The following CPNE4 variants were observed in gnomAD, a reference collection of about 807,000 sequenced individuals.
CPNE4 encodes the protein copine 4.
In CPNE4, 25 loss-of-function variants were observed where a neutral mutation model predicts 67.9. The observed-to-expected ratio is 0.37, with a 90% CI of 0.27 to 0.51. CPNE4 has a LOEUF of 0.51. CPNE4 is among the 20% of genes least tolerant of loss of function. The pLI is 0.93. For synonymous variants in CPNE4, 242 were observed against 244.9 expected, an observed-to-expected ratio of 0.99 and a Z score of 0.11; for missense variants, 464 against 690.8, an observed-to-expected ratio of 0.67 and a Z score of 3.68.
At chr3:131,863,688 G>A (rs1304362027) in intron 2 of CPNE4, among the ~76,000 whole-genome samples, 4 of 152,082 alleles carry the variant, frequency 2.6e-5, no homozygotes, top group African/African-American at 4.8e-5. Flanking sequence ...TTCTTTTGCT[G>A]TGCAGAAGCT....
rs531453413 is a variant in CPNE4 at position 131,862,459 on chromosome 3, G to C, written c.180+42805C>G. On this transcript the variant is annotated intron_variant, in intron 2 of 15. Coordinates refer to ENST00000429747, the MANE Select transcript of CPNE4 (RefSeq NM_130808.3). The stretch of plus-strand genomic sequence containing the variant: ...AAATATCCTACCAGGTTCTTCAGTG[G>C]TTTCCTTACCTCTGGTTTCTCCCCC... Among the ~76,000 whole-genome samples, 68 of 152,140 alleles carry C rather than the reference G, an allele frequency of 4.5e-4. 1 individual carries two copies. The highest frequency in any genetic ancestry group is 1.6e-3 in the African/African-American group (68 of 41,508).
At chr3:131,915,395 T>C (rs1337807622) in intron 1 of CPNE4, among the ~76,000 whole-genome samples, 1 of 152,204 alleles carries the variant, frequency 6.6e-6, no homozygotes, top group Non-Finnish European at 1.5e-5. Flanking sequence ...TCACTCTATA[T>C]GTAATGGTAG....
chr3:131,696,769 A>C (rs894673080), intron 4 of CPNE4, among the ~76,000 whole-genome samples, 153 bp from the exon 5 acceptor site: 3 of 152,202 alleles, frequency 2.0e-5, no homozygotes, highest in African/African-American at 7.2e-5. Context: ...ACAGCACAGC[A>C]ATTCTAGGTA....
intron 1 of CPNE4, among the ~76,000 whole-genome samples, chr3:132,011,910 C>T (rs1021574741): frequency 2.0e-5 from 3 of 152,262 alleles, no homozygotes; most frequent in African/African-American, 7.2e-5. Flanking sequence ...TCTGTAGAAC[C>T]TTGGTGATTT....
chr3:131,774,743 C>T (rs1414521211), intron 2 of CPNE4, among the ~76,000 whole-genome samples: 1 of 152,114 alleles, frequency 6.6e-6, no homozygotes, highest in Non-Finnish European at 1.5e-5. Context: ...CTTTCACTTC[C>T]CTGCCTCTCG....
chr3:131,664,581 G>T (rs952010641), intron 7 of CPNE4, among the ~76,000 whole-genome samples: 1 of 152,092 alleles, frequency 6.6e-6, no homozygotes, highest in Non-Finnish European at 1.5e-5. Context: ...GGTTGAAAAG[G>T]TCAAGAAATA....
chr3:131,547,846 T>TTTC (rs1393027245), intron 14 of CPNE4, among the ~76,000 whole-genome samples: 2 of 152,152 alleles, frequency 1.3e-5, no homozygotes, highest in Admixed American at 6.6e-5. Context: ...GACCCATTTG[T>TTTC]TTCTTATGGA....
At chr3:131,596,405 G>A (rs1028444114) in intron 7 of CPNE4, among the ~76,000 whole-genome samples, 4 of 145,348 alleles carry the variant, frequency 2.8e-5, no homozygotes, top group African/African-American at 1.1e-4. Context: ...GGCGGATCAC[G>A]AGGTCAGGAG....
intron 2 of CPNE4, among the ~76,000 whole-genome samples, chr3:131,876,268 AAAT>A (rs1465732772): frequency 9.7e-5 from 14 of 144,246 alleles, no homozygotes; most frequent in African/African-American, 4.0e-4. Flanking sequence ...ATAAATAAAT[AAAT>A]AAATAAATAA....
intron 2 of CPNE4, among the ~76,000 whole-genome samples, chr3:131,740,404 A>C (rs1224096947): frequency 6.6e-6 from 1 of 152,178 alleles, no homozygotes; most frequent in Non-Finnish European, 1.5e-5. Flanking sequence ...CTCAAACTTT[A>C]CATGCCTATA....
intron 2 of CPNE4, among the ~76,000 whole-genome samples, chr3:131,860,072 A>AACCCC (rs1189057906): frequency 1.2e-4 from 18 of 152,220 alleles, no homozygotes; most frequent in Admixed American, 1.2e-3. Context: ...TACATATGAC[A>AACCCC]ACCCCAAAGT....
intron 2 of CPNE4, among the ~76,000 whole-genome samples, chr3:131,818,253 A>G (rs1436452503): frequency 7.2e-5 from 11 of 152,222 alleles, no homozygotes; most frequent in Non-Finnish European, 1.5e-4. Context: ...AACTCCCATT[A>G]GGAGCAGCAG....
intron 2 of CPNE4, among the ~76,000 whole-genome samples, chr3:131,725,396 T>C (rs1328999259): frequency 1.3e-5 from 2 of 152,194 alleles, no homozygotes; most frequent in African/African-American, 4.8e-5. Flanking sequence ...CCCCATCCAA[T>C]AAATAGGCAT....
intron 7 of CPNE4, among the ~76,000 whole-genome samples, chr3:131,632,907 C>T (rs559373582): frequency 4.8e-4 from 73 of 152,292 alleles, no homozygotes; most frequent in African/African-American, 1.8e-3. Flanking sequence ...GCACTTGCCC[C>T]AAGCACCCCA....
chr3:131,741,661 A>G (rs146157947), intron 2 of CPNE4, among the ~76,000 whole-genome samples: 13 of 152,294 alleles, frequency 8.5e-5, no homozygotes, highest in African/African-American at 2.9e-4. Flanking sequence ...AATTATAATT[A>G]TAATACTAGA....
At chr3:131,648,339 C>G (rs1188280086) in intron 7 of CPNE4, among the ~76,000 whole-genome samples, 3 of 152,178 alleles carry the variant, frequency 2.0e-5, no homozygotes, top group Non-Finnish European at 4.4e-5. Context: ...TGCCACAGCA[C>G]TTCAGCCTGG....
At chr3:131,743,833 G>A (rs926886464) in intron 2 of CPNE4, among the ~76,000 whole-genome samples, 3 of 151,026 alleles carry the variant, frequency 2.0e-5, no homozygotes, top group Non-Finnish European at 4.4e-5. Context: ...CGTGGTAGCG[G>A]GCGCCTGTAG....
At chr3:131,877,819 CATTT>C (rs1208195957) in intron 2 of CPNE4, among the ~76,000 whole-genome samples, 4 of 152,136 alleles carry the variant, frequency 2.6e-5, no homozygotes, top group Admixed American at 6.5e-5. Context: ...TTAAATGAAA[CATTT>C]ATTACACAGA....
chr3:131,756,713 T>C (rs2082758792), intron 2 of CPNE4, among the ~76,000 whole-genome samples: 1 of 152,142 alleles, frequency 6.6e-6, no homozygotes, highest in Admixed American at 6.6e-5. Context: ...AAGGCTTGAG[T>C]TGGAGGCCCG....
Sources: allele counts gnomAD v4.1 joint callset (sites outside exome capture counted in the v4.1 genomes callset), GRCh38; gene constraint gnomAD v4.1.1; transcripts MANE v1.5; gene names NCBI Gene and HGNC (gene_info 2026-07-23, HGNC 2026-07-21).